Variants in POM121 observed in about 807,000 individuals in gnomAD.
POM121 encodes nuclear envelope pore membrane protein POM 121.
In POM121, 32 loss-of-function variants were observed where a neutral mutation model predicts 81.3. The ratio of observed to expected loss-of-function variants is 0.39; its 90% CI spans 0.30 to 0.53. The LOEUF is 0.53. POM121 is among the 20% of genes least tolerant of loss of function. The pLI, the probability that POM121 is intolerant of heterozygous loss-of-function variation, is 0.66. For synonymous variants in POM121, 514 were observed against 694.2 expected (o/e 0.74, Z 4.08); for missense variants, 1,138 against 1,614.6 (o/e 0.70, Z 5.06).
At position 72,926,707 on chromosome 7, in the gene POM121, T is replaced by G. The variant is rs528041837; in HGVS notation, c.861-95T>G. The G allele has an allele frequency of 8.5e-6, 13 of 1,531,320 alleles. No individual in the cohort carries two copies. The African/African-American group carries it at 1.4e-4, about 16-fold the overall frequency. The allele number at this position is 1,531,320 out of a possible 1,614,324, so 94.9% of individuals were successfully genotyped here. On this transcript the variant is annotated intron_variant, in intron 2 of 12. Coordinates refer to ENST00000434423, the MANE Select transcript of POM121 (RefSeq NM_001387691.1). ...TGAGTGTATAAATTATACTTTGGCC[T>G]GTTGGTTAGCTTCTGATTTCTTGTT...
intron 3 of POM121, among the ~76,000 whole-genome samples, chr7:72,901,201 CCTTTTTTT>C (rs1240770100): frequency 4.6e-5 from 7 of 151,466 alleles, no homozygotes; most frequent in African/African-American, 1.5e-4. Flanking sequence ...AAGTCACGCA[CCTTTTTTT>C]CTTTTTTTCT....
intron 1 of POM121, among the ~76,000 whole-genome samples, chr7:72,885,884 T>G (rs1256158202): frequency 6.6e-6 from 1 of 151,774 alleles, no homozygotes; most frequent in African/African-American, 2.4e-5. Context: ...TTTTGATTAG[T>G]TGAGAATTTT....
At chr7:72,948,672 G>C (rs1554503940), downstream of POM121, 10 of 1,603,924 alleles carry the variant, frequency 6.2e-6, no homozygotes, top group Non-Finnish European at 8.5e-6. Flanking sequence ...ACTCACGTCG[G>C]CATCTCGACC....
rs782715434 is a variant in POM121, at chr7:72,943,188, C to T, written c.3195C>T (p.Phe1065=). 41 of 1,613,302 alleles carry T rather than the reference C, an allele frequency of 2.5e-5. No homozygotes were observed. The highest frequency in any genetic ancestry group is 2.8e-5 in the Non-Finnish European group (33 of 1,179,826). Residue 1065 remains phenylalanine (F), a synonymous_variant, in exon 11 of 13, where the codon TTC becomes TTT. Transcript: ENST00000434423. ...PAFGGSTAVF[F]GAATSSGFGA... is the part of the protein sequence containing the mutation. ...TTGGCGGCTCCACTGCTGTCTTCTT[C>T]GGTGCAGCCACCAGCTCCGGCTTTG...
Position 72,925,631 on chromosome 7 carries a change from G to T in POM121, c.510G>T (p.Pro170=). 1 of 1,020,042 alleles carries T rather than the reference G, an allele frequency of 9.8e-7. No individual in the cohort carries two copies. Among genetic ancestry groups the T allele is most frequent in the Non-Finnish European group, 1.2e-6 (1 of 852,122 alleles). 63.2% of individuals were successfully genotyped at this position (1,020,042 alleles called of 1,614,324 possible). The change falls in exon 1 of 13, where the codon CCG becomes CCT. Residue 170 remains proline (P), a synonymous_variant. Transcript: ENST00000434423. ...CTGGCCGCCGCCCACCTGCCCGCCC[G>T]GCGCCGCGCTCCCCACCGCCGCGCT... ...DRPGRRPPAR[P]APRSPPPRSP...
chr7:72,890,691 C>T (rs1431695546), exon 2 of POM121: 2 of 1,601,532 alleles, frequency 1.2e-6, no homozygotes, highest in Admixed American at 1.7e-5. Flanking sequence ...CAACTGGACC[C>T]TGATGAGAAG....
At chr7:72,944,991 G>T (rs1328215557) in intron 11 of POM121, among the ~76,000 whole-genome samples, 1 of 141,614 alleles carries the variant, frequency 7.1e-6, no homozygotes, top group African/African-American at 2.5e-5. Context: ...TTGAGTTACG[G>T]TATTTAGGGA....
chr7:72,949,784 A>C, downstream of POM121: 2 of 976,984 alleles, frequency 2.0e-6, no homozygotes, highest in Non-Finnish European at 3.3e-6. Context: ...TTCAGCCTTC[A>C]TTACCCACTG....
At chr7:72,949,706 G>C, downstream of POM121, 1 of 711,102 alleles carries the variant, frequency 1.4e-6, no homozygotes, top group Non-Finnish European at 2.6e-6. Context: ...AGTGGGGAAA[G>C]CTTAGCTTGG....
At chr7:72,938,827 T>A (rs2429273) in intron 6 of POM121, 146 bp downstream of exon 6, 1 of 952,662 alleles carries the variant, frequency 1.0e-6, no homozygotes, top group Non-Finnish European at 1.6e-6. Context: ...TACAATGCAG[T>A]ACCCACCCGA....
At position 72,943,002 on chromosome 7, in the gene POM121, G is replaced by A. The variant is rs559710817; in HGVS notation, c.3009G>A (p.Pro1003=). 113 of 1,613,490 alleles carry A rather than the reference G, an allele frequency of 7.0e-5. 1 individual carries two copies. In the East Asian group the frequency reaches 1.7e-3, roughly 25 times the overall value. Residue 1003 remains proline, a synonymous_variant, in exon 11 of 13, where the codon CCG becomes CCA. Transcript: ENST00000434423. ...TCACTTTTGGAAACTCTGCAGCCCC[G>A]GCTGCTGCACCCACACCTGCACCTC... The part of the protein sequence containing the change: ...SSFTFGNSAA[P]AAAPTPAPPS...
At chr7:72,904,415 C>T (rs1793029615) in intron 3 of POM121, among the ~76,000 whole-genome samples, 1 of 152,194 alleles carries the variant, frequency 6.6e-6, no homozygotes. Context: ...AAGGAATACC[C>T]TCTGTGTGGC....
At chr7:72,904,417 C>T (rs556297925) in intron 3 of POM121, among the ~76,000 whole-genome samples, 3 of 152,334 alleles carry the variant, frequency 2.0e-5, no homozygotes, top group Admixed American at 6.5e-5. Context: ...GGAATACCCT[C>T]TGTGTGGCCA....
At chr7:72,884,328 T>C (rs1563129582) in intron 1 of POM121, among the ~76,000 whole-genome samples, 2 of 152,134 alleles carry the variant, frequency 1.3e-5, no homozygotes, top group Non-Finnish European at 2.9e-5. Context: ...CATCATGAGC[T>C]CATGGGTTTA....
chr7:72,943,917 G>A (rs369183692), intron 11 of POM121, among the ~76,000 whole-genome samples: 1 of 152,352 alleles, frequency 6.6e-6, no homozygotes, highest in East Asian at 1.9e-4. Flanking sequence ...GTACCCACCT[G>A]TAATCCCAGC....
rs1791266182 is a variant in POM121, at chr7:72,891,210, T to G, written c.-216+100T>G. The stretch of plus-strand genomic sequence containing the variant: ...TGTATTCGGTACCCTCAGTAACACC[T>G]CCCAACCCCCAAATATCACTTTCCT... On this transcript the variant is annotated intron_variant, in intron 3 of 15. Coordinates refer to the POM121 transcript ENST00000395270. The G allele has an allele frequency of 5.4e-6, 3 of 556,736 alleles. No homozygotes were observed. The African/African-American group carries it at 5.7e-5, about 11-fold the overall frequency. 34.5% of individuals were successfully genotyped at this position (556,736 alleles called of 1,614,324 possible).
At chr7:72,949,957 C>T, downstream of POM121, 1 of 1,611,692 alleles carries the variant, frequency 6.2e-7, no homozygotes, top group East Asian at 2.2e-5. Flanking sequence ...TGGGAGACAG[C>T]TGGCCTGGCA....
chr7:72,887,712 A>T (rs1563131374), intron 1 of POM121, among the ~76,000 whole-genome samples: 1 of 152,174 alleles, frequency 6.6e-6, no homozygotes, highest in Non-Finnish European at 1.5e-5. Flanking sequence ...CTGTAATCCC[A>T]GCTACTCGGG....
Position 72,945,592 on chromosome 7 carries a change from C to T in POM121, c.3536C>T (p.Ala1179Val), listed in dbSNP as rs200248948. 3.2e-5 allele frequency: 51 copies of T among 1,613,254 alleles called. No individual in the cohort carries two copies. Among genetic ancestry groups the T allele is most frequent in the Non-Finnish European group, 3.9e-5 (46 of 1,179,706 alleles). ...TCTGTTCTCTTCATTCCAGGCACCG[C>T]CACCCCCACCTTTGGTCTGAACACC... ...TESKPVFGGTATPTFGLNTPA... is the reference protein window; with the variant it reads ...TESKPVFGGTVTPTFGLNTPA... The change falls in exon 12 of 13, where the codon GCC (alanine) becomes GTC (valine). Residue 1179 changes from alanine to valine, a missense_variant. Coordinates refer to ENST00000434423, the MANE Select transcript of POM121 (RefSeq NM_001387691.1).
Sources: gnomAD v4.1 joint callset for allele counts (sites outside exome capture counted in the v4.1 genomes callset) on GRCh38, gnomAD v4.1.1 for gene constraint, MANE v1.5 for transcripts, NCBI Gene and HGNC (gene_info 2026-07-23, HGNC 2026-07-21) for gene names.